Variants in GREB1L observed in about 807,000 individuals in gnomAD.
GREB1L encodes GREB1 like retinoic acid receptor coactivator, also known as GREB1-like protein.
A neutral mutation model predicts 200.8 loss-of-function variants in GREB1L; 17 were observed. The ratio of observed to expected loss-of-function variants is 0.08; its 90% confidence interval spans 0.06 to 0.13. GREB1L has a LOEUF of 0.13. GREB1L is among the 10% of genes least tolerant of loss of function. The probability of loss-of-function intolerance (pLI) is 1.00; values close to 1 mark genes in which losing one functional copy is unlikely to be tolerated. For missense variants in GREB1L, 1,657 were observed against 2,367.7 expected (o/e 0.70, Z 6.23); for synonymous variants, 789 against 893.0 (o/e 0.88, Z 2.08).
At chr18:21,302,597 G>A (rs1268731663) in intron 1 of GREB1L, among the ~76,000 whole-genome samples, 1 of 152,204 alleles carries the variant, frequency 6.6e-6, no homozygotes, top group Non-Finnish European at 1.5e-5. Context: ...CTGGGACATA[G>A]CGGCTTCCTT....
At chr18:21,280,182 C>A (rs551148480) in intron 1 of GREB1L, among the ~76,000 whole-genome samples, 1 of 152,232 alleles carries the variant, frequency 6.6e-6, no homozygotes, top group Non-Finnish European at 1.5e-5. Context: ...ACTAAAAATC[C>A]TTTGAGCTCC....
intron 7 of GREB1L, among the ~76,000 whole-genome samples, chr18:21,437,031 T>C (rs1052070600): frequency 3.9e-5 from 6 of 152,096 alleles, no homozygotes; most frequent in Non-Finnish European, 8.8e-5. Flanking sequence ...GTAGAAGAAA[T>C]TTTAAGAGAA....
Position 21,261,632 on chromosome 18 carries a change from T to TA in GREB1L, c.-120+19242dup, listed in dbSNP as rs2037891028. On this transcript the variant is annotated intron_variant, in intron 1 of 32. Transcript: ENST00000424526. The stretch of plus-strand genomic sequence containing the variant: ...TGATCTACCCTAACCTTTCTATATG[T>TA]AAATTTTGGAAAAGCGACACTGTAG... Among the ~76,000 whole-genome samples the TA allele has an allele frequency of 2.0e-5, 3 of 152,216 alleles. No individual in the cohort carries two copies. The South Asian group carries it at 6.2e-4, about 32-fold the overall frequency.
rs184242154 is a variant in GREB1L, at chr18:21,382,601, C to G, written c.-9-909C>G. 7.3e-5 allele frequency among the ~76,000 whole-genome samples: 11 copies of G among 151,402 alleles called. No individual in the cohort carries two copies. The Middle Eastern group carries it at 0.014, about 187-fold the overall frequency. Reference sequence around the variant, plus strand: ...CCGCCTCCCGGATTCAAGTGATTCTCCTGCCTCAGCCTCCTGAGTAGCTGG... The same window carrying G: ...CCGCCTCCCGGATTCAAGTGATTCTGCTGCCTCAGCCTCCTGAGTAGCTGG... On this transcript the variant is annotated intron_variant, in intron 2 of 32. Transcript: ENST00000424526.
chr18:21,357,973 G>A (rs1241955948), intron 1 of GREB1L, among the ~76,000 whole-genome samples: 1 of 152,054 alleles, frequency 6.6e-6, no homozygotes, highest in East Asian at 1.9e-4. Context: ...TAAATTTTAC[G>A]ATTATTTTTT....
At chr18:21,506,807 C>T (rs548310484) in intron 25 of GREB1L, among the ~76,000 whole-genome samples, 1 of 152,242 alleles carries the variant, frequency 6.6e-6, no homozygotes, top group East Asian at 1.9e-4. Context: ...GGCCAATAAC[C>T]CTTAGTATGT....
rs541447008 is a variant in GREB1L at position 21,264,548 on chromosome 18, A to G, written c.-120+22155A>G. 3.4e-3 allele frequency among the ~76,000 whole-genome samples: 517 copies of G among 152,320 alleles called. 2 individuals are homozygous for G. Among genetic ancestry groups the G allele is most frequent in the Non-Finnish European group, 5.5e-3 (372 of 68,020 alleles). On this transcript the variant is annotated intron_variant, in intron 1 of 32. Transcript: ENST00000424526. ...TTAAACTGTAAAATAAGCCAGAGTT[A>G]AAAGCTACAACAACAACAAGACCAA...
At chr18:21,276,069 C>T (rs1027022284) in intron 1 of GREB1L, among the ~76,000 whole-genome samples, 1 of 152,114 alleles carries the variant, frequency 6.6e-6, no homozygotes, top group African/African-American at 2.4e-5. Flanking sequence ...GAGGTTCCTT[C>T]CTCATTCTCA....
At chr18:21,263,558 G>T (rs2037921630) in intron 1 of GREB1L, among the ~76,000 whole-genome samples, 1 of 151,998 alleles carries the variant, frequency 6.6e-6, no homozygotes. Flanking sequence ...TTTTCCATTT[G>T]AATTTTCAAT....
chr18:21,380,753 G>A (rs527452509), intron 2 of GREB1L: 1 of 152,192 alleles, frequency 6.6e-6, no homozygotes, highest in African/African-American at 2.4e-5. Flanking sequence ...GTGCTTAGTA[G>A]ACTATCTAGC....
chr18:21,404,039 T>G, intron 7 of GREB1L, 45 bp downstream of exon 7: 1 of 1,503,168 alleles, frequency 6.7e-7, no homozygotes, highest in Non-Finnish European at 9.0e-7. Flanking sequence ...ACATGTATAT[T>G]TAATGAGACT....
At chr18:21,318,460 A>T (rs2038905876) in intron 1 of GREB1L, among the ~76,000 whole-genome samples, 1 of 152,130 alleles carries the variant, frequency 6.6e-6, no homozygotes, top group Admixed American at 6.6e-5. Context: ...GTGCCTCTTA[A>T]AAATTGGTCT....
At chr18:21,325,813 CAAAAAAAAAAAAAAAA>C (rs60239796) in intron 1 of GREB1L, among the ~76,000 whole-genome samples, 1 of 41,696 alleles carries the variant, frequency 2.4e-5, no homozygotes, top group Non-Finnish European at 8.8e-5. Flanking sequence ...GACCTTGTCT[CAAAAAAAAAAAAAAAA>C]AAAAAAAAAA....
intron 1 of GREB1L, among the ~76,000 whole-genome samples, chr18:21,341,291 G>GACAGGAGAGGCC (rs1232438096): frequency 5.9e-5 from 9 of 152,240 alleles, no homozygotes; most frequent in Non-Finnish European, 7.3e-5. Context: ...AAACTGGAAA[G>GACAGGAGAGGCC]ACAGGAGAGG....
chr18:21,492,785 A>G (rs1199920671), intron 19 of GREB1L, among the ~76,000 whole-genome samples: 2 of 152,094 alleles, frequency 1.3e-5, no homozygotes, highest in African/African-American at 4.8e-5. Flanking sequence ...ACAAGTACGT[A>G]TAAGAGTGTC....
rs148500470 is a variant in GREB1L, at chr18:21,517,411, T to G, written c.5272-623T>G. Among the ~76,000 whole-genome samples the G allele has an allele frequency of 9.9e-3, 1,504 of 151,800 alleles. 24 individuals carry two copies. The highest frequency in any genetic ancestry group is 0.034 in the African/African-American group (1,418 of 41,410). ...TCTCGCTCTGTTGCCCAGGCTGGAC[T>G]GCAGTGGCATGATCCCAGCTCGCTG... On this transcript the variant is annotated intron_variant, in intron 30 of 32. Coordinates refer to ENST00000424526, the MANE Select transcript of GREB1L (RefSeq NM_001142966.3).
At chr18:21,280,750 T>G (rs2038255518) in intron 1 of GREB1L, among the ~76,000 whole-genome samples, 1 of 152,180 alleles carries the variant, frequency 6.6e-6, no homozygotes, top group Non-Finnish European at 1.5e-5. Context: ...TGTTTCTCAG[T>G]TGTCTAATAA....
At chr18:21,408,508 ATGAGAGCC>A (rs2030554807) in intron 7 of GREB1L, among the ~76,000 whole-genome samples, 1 of 152,056 alleles carries the variant, frequency 6.6e-6, no homozygotes, top group Admixed American at 6.6e-5. Flanking sequence ...CAAAACCATA[ATGAGAGCC>A]AGGTGCGGTG....
At chr18:21,496,174 T>A (rs894078548) in intron 20 of GREB1L, among the ~76,000 whole-genome samples, 6 of 152,310 alleles carry the variant, frequency 3.9e-5, no homozygotes, top group Admixed American at 2.0e-4. Flanking sequence ...TTACTGTGCG[T>A]GTCAGGCAGT....
Sources: gnomAD v4.1 joint callset for allele counts (sites outside exome capture counted in the v4.1 genomes callset) on GRCh38, gnomAD v4.1.1 for gene constraint, MANE v1.5 for transcripts, NCBI Gene and HGNC (gene_info 2026-07-23, HGNC 2026-07-21) for gene names.